RAVER2: variants seen among roughly 807,000 people sequenced by gnomAD.
The protein encoded by RAVER2 is ribonucleoprotein PTB-binding 2.
RAVER2 carries 46 observed loss-of-function variants against 78.1 expected under a neutral mutation model. The observed-to-expected ratio is 0.59, with a 90% confidence interval of 0.46 to 0.75. The LOEUF (loss-of-function observed/expected upper bound fraction) is 0.75. Ranked by LOEUF, RAVER2 falls within the 30% of genes least tolerant of loss-of-function variation. The probability of loss-of-function intolerance (pLI) is 0.00; values close to 1 mark genes in which losing one functional copy is unlikely to be tolerated. For missense variants in RAVER2, 793 were observed against 837.5 expected (o/e 0.95, Z 0.66); for synonymous variants, 311 against 313.3 (o/e 0.99, Z 0.08).
chr1:64,761,762 CA>C (rs1383229048), intron 1 of RAVER2, among the ~76,000 whole-genome samples: 1 of 151,942 alleles, frequency 6.6e-6, no homozygotes, highest in Non-Finnish European at 1.5e-5. Context: ...TGTCTATTTG[CA>C]GATAACATGA....
intron 5 of RAVER2, among the ~76,000 whole-genome samples, chr1:64,796,870 T>C (rs1452298992): frequency 6.6e-6 from 1 of 152,188 alleles, no homozygotes; most frequent in East Asian, 1.9e-4. Context: ...CTTCTTTTAA[T>C]GTGTTTAGTA....
intron 11 of RAVER2, among the ~76,000 whole-genome samples, chr1:64,825,033 AGAAAGACAAG>A (rs1389771919): frequency 2.0e-5 from 3 of 151,896 alleles, no homozygotes; most frequent in African/African-American, 4.8e-5. Context: ...ATTCATATGA[AGAAAGACAAG>A]TAGCTGAGAG....
intron 2 of RAVER2, among the ~76,000 whole-genome samples, chr1:64,771,107 A>G (rs894876024): frequency 2.0e-5 from 3 of 152,078 alleles, no homozygotes; most frequent in African/African-American, 7.2e-5. Context: ...ACTACAGTGT[A>G]CGTTGTAATC....
intron 11 of RAVER2, among the ~76,000 whole-genome samples, chr1:64,824,882 G>T (rs995194063): frequency 1.4e-4 from 18 of 133,298 alleles, no homozygotes; most frequent in African/African-American, 5.1e-4. Context: ...AGTGAGCCGA[G>T]ATCCCGCCAT....
At chr1:64,796,573 C>T (rs927775987) in intron 5 of RAVER2, among the ~76,000 whole-genome samples, 2 of 151,836 alleles carry the variant, frequency 1.3e-5, no homozygotes, top group African/African-American at 4.8e-5. Context: ...CATAGTATTC[C>T]CTTATTATTC....
chr1:64,816,995 A>G (rs1047948907), intron 11 of RAVER2, among the ~76,000 whole-genome samples: 2 of 152,230 alleles, frequency 1.3e-5, no homozygotes, highest in Non-Finnish European at 2.9e-5. Flanking sequence ...AATTTTTGCA[A>G]TCTACTCATC....
At chr1:64,803,910 GAGGGGAAGTTC>G (rs1049420192) in intron 6 of RAVER2, among the ~76,000 whole-genome samples, 67 of 152,280 alleles carry the variant, frequency 4.4e-4, no homozygotes, top group African/African-American at 1.6e-3. Flanking sequence ...AGTAATATGA[GAGGGGAAGTTC>G]AGAGTATTGA....
chr1:64,804,455 A>G (rs901445077), intron 6 of RAVER2, among the ~76,000 whole-genome samples: 1 of 152,224 alleles, frequency 6.6e-6, no homozygotes, highest in Non-Finnish European at 1.5e-5. Flanking sequence ...ATGAATAAAT[A>G]AATGAATGAA....
chr1:64,831,086 G>A, exon 12 of RAVER2: 4 of 1,246,064 alleles, frequency 3.2e-6, no homozygotes, highest in Non-Finnish European at 4.4e-6. Context: ...TTTAAATACG[G>A]GTTTATAGTT....
At chr1:64,830,694 G>A (rs902903421) in intron 11 of RAVER2, 145 bp from the exon 12 acceptor site, 11 of 686,004 alleles carry the variant, frequency 1.6e-5, no homozygotes, top group Non-Finnish European at 2.6e-5. Context: ...TTAACAAAGG[G>A]GTTTGTGTAT....
Position 64,745,755 on chromosome 1 carries a change from T to C in RAVER2, c.249+334T>C, listed in dbSNP as rs1202827810. On this transcript the variant is annotated intron_variant, in intron 1 of 11. Coordinates refer to ENST00000294428, the Ensembl canonical transcript of RAVER2. This position sits in a 1 kb window ranked among gnomAD's most constrained non-coding sequence, Gnocchi z 4.3. Reference sequence around the variant, plus strand: ...GAGGTGAAGGAGAGTGGAGGTGAGTTGTGGAGCACACATTTTGCGGGGGGG... The same window carrying C: ...GAGGTGAAGGAGAGTGGAGGTGAGTCGTGGAGCACACATTTTGCGGGGGGG... Among the ~76,000 whole-genome samples, 3 of 142,400 alleles carry C rather than the reference T, an allele frequency of 2.1e-5. No individual in the cohort carries two copies. The highest frequency in any genetic ancestry group is 7.0e-5 in the Admixed American group (1 of 14,186). The allele number at this position is 142,400 out of a possible 152,430, so 93.4% of individuals were successfully genotyped here. A position where few individuals can be genotyped will look rare whatever the true frequency, so the allele number is the denominator to read the frequency against.
At chr1:64,810,999 A>C (rs1557603263) in intron 9 of RAVER2, among the ~76,000 whole-genome samples, 1 of 152,234 alleles carries the variant, frequency 6.6e-6, no homozygotes, top group African/African-American at 2.4e-5. Context: ...GAATGCATAA[A>C]ATATATGTAG....
chr1:64,782,632 C>T (rs1652662113), intron 4 of RAVER2, among the ~76,000 whole-genome samples: 1 of 152,144 alleles, frequency 6.6e-6, no homozygotes, highest in South Asian at 2.1e-4. Flanking sequence ...CTGCATCTGG[C>T]AACCCCAAAG....
chr1:64,826,565 G>A (rs1654007878), intron 11 of RAVER2, among the ~76,000 whole-genome samples: 1 of 152,164 alleles, frequency 6.6e-6, no homozygotes, highest in South Asian at 2.1e-4. Flanking sequence ...TGTCACAGTG[G>A]GGTCGGGGAG....
At chr1:64,809,522 A>AAATAAATAAATG in intron 9 of RAVER2, among the ~76,000 whole-genome samples, 1 of 151,848 alleles carries the variant, frequency 6.6e-6, no homozygotes, top group East Asian at 1.9e-4. Flanking sequence ...ATAAATAAAT[A>AAATAAATAAATG]AAAGAGATTT....
At chr1:64,777,018 T>A (rs1018705567) in intron 2 of RAVER2, among the ~76,000 whole-genome samples, 1 of 152,172 alleles carries the variant, frequency 6.6e-6, no homozygotes, top group African/African-American at 2.4e-5. Context: ...ATATTATTCA[T>A]CAAAAGTGTA....
At chr1:64,790,912 C>A (rs61399651) in intron 5 of RAVER2, among the ~76,000 whole-genome samples, 3,405 of 152,270 alleles carry the variant, frequency 0.022, 153 homozygotes, top group African/African-American at 0.078. Flanking sequence ...AGAGCTCAAT[C>A]TTCCATATGG....
chr1:64,807,491 TG>T lies in RAVER2; in HGVS notation c.1680+18del. 6.2e-7 allele frequency: 1 copy of T among 1,610,962 alleles called. No homozygotes were observed. Among genetic ancestry groups the T allele is most frequent in the East Asian group, 2.2e-5 (1 of 44,828 alleles). ...AGTTCAGGGGTAAGAAAACTGTGGG[TG>T]CACACAGATGTATATATACATGTAT... On this transcript the variant is annotated intron_variant, in intron 9 of 11. Coordinates refer to ENST00000294428, the Ensembl canonical transcript of RAVER2.
At chr1:64,786,457 G>C (rs1207038585) in intron 4 of RAVER2, among the ~76,000 whole-genome samples, 1 of 152,064 alleles carries the variant, frequency 6.6e-6, no homozygotes, top group African/African-American at 2.4e-5. Context: ...GCTTTTTCTT[G>C]TTTGTTGGAA....
Sources: allele counts gnomAD v4.1 joint callset (sites outside exome capture counted in the v4.1 genomes callset), GRCh38; gene constraint gnomAD v4.1.1; non-coding constraint Gnocchi (gnomAD v3.1); transcripts MANE v1.5; gene names NCBI Gene and HGNC (gene_info 2026-07-23, HGNC 2026-07-21).